The following MAGI2 variants were observed in gnomAD, a reference collection of about 807,000 sequenced individuals.
The protein encoded by MAGI2 is membrane associated guanylate kinase, WW and PDZ domain containing 2.
MAGI2 carries 35 observed loss-of-function variants against 133.3 expected under a neutral mutation model. The observed-to-expected ratio is 0.26, with a 90% CI of 0.20 to 0.35. The LOEUF (loss-of-function observed/expected upper bound fraction) is 0.35, where lower values mean the gene tolerates loss of function less well. Among genes scored for constraint, MAGI2 ranks in the 10% least tolerant of loss-of-function variants. The probability of loss-of-function intolerance (pLI) is 1.00; values close to 1 mark genes in which losing one functional copy is unlikely to be tolerated. For synonymous variants in MAGI2, 729 were observed against 710.6 expected (o/e 1.03, Z -0.41); for missense variants, 1,636 against 1,863.4 (o/e 0.88, Z 2.25).
At chr7:79,310,659 G>A (rs1838211148) in intron 1 of MAGI2, among the ~76,000 whole-genome samples, 5 of 152,082 alleles carry the variant, frequency 3.3e-5, no homozygotes, top group Admixed American at 3.3e-4. Flanking sequence ...CTATTTCACT[G>A]GAATAAGGGA....
intron 1 of MAGI2, among the ~76,000 whole-genome samples, chr7:79,086,012 T>C (rs1267008380): frequency 6.6e-6 from 1 of 151,928 alleles, no homozygotes. Context: ...CATATGCATG[T>C]GGCTTCCAAG....
At chr7:79,181,097 G>A (rs559015951) in intron 1 of MAGI2, among the ~76,000 whole-genome samples, 4 of 151,948 alleles carry the variant, frequency 2.6e-5, no homozygotes, top group South Asian at 4.1e-4. Flanking sequence ...GCTTTTCCAG[G>A]CACACGGTGT....
chr7:79,017,648 T>C (rs545021812), intron 1 of MAGI2, among the ~76,000 whole-genome samples: 17 of 152,218 alleles, frequency 1.1e-4, no homozygotes, highest in African/African-American at 3.9e-4. Flanking sequence ...TACTGACATA[T>C]AGGAGAAAGT....
chr7:78,288,293 T>C (rs903836458), intron 9 of MAGI2, among the ~76,000 whole-genome samples: 1 of 152,174 alleles, frequency 6.6e-6, no homozygotes, highest in Admixed American at 6.5e-5. Flanking sequence ...ATTTAAATAA[T>C]AAAATCATAC....
At chr7:79,149,341 G>A (rs111789433) in intron 1 of MAGI2, among the ~76,000 whole-genome samples, 2,499 of 151,422 alleles carry the variant, frequency 0.017, 71 homozygotes, top group African/African-American at 0.056. Context: ...ATTACCACAC[G>A]CCACTGCTAA....
intron 9 of MAGI2, among the ~76,000 whole-genome samples, chr7:78,336,548 C>T (rs1305317412): frequency 6.6e-6 from 1 of 152,038 alleles, no homozygotes; most frequent in Non-Finnish European, 1.5e-5. Flanking sequence ...CAAAGTGATA[C>T]CTTGTCTCTA....
chr7:78,782,997 G>T lies in MAGI2; in HGVS notation c.419-155758C>A, dbSNP rs1411803223. On this transcript the variant is annotated intron_variant, in intron 2 of 21. Transcript: ENST00000354212. ...CATTTCTTCAATTTTGACAATACTTGAAAATGATTCTTACCTTTTTTTTTT... is the reference window on the plus strand; with the variant it reads ...CATTTCTTCAATTTTGACAATACTTTAAAATGATTCTTACCTTTTTTTTTT... Among the ~76,000 whole-genome samples the T allele has an allele frequency of 1.0e-4, 13 of 129,550 alleles. No individual in the cohort carries two copies. The East Asian group carries it at 1.9e-3, about 19-fold the overall frequency. 85.0% of individuals were successfully genotyped at this position (129,550 alleles called of 152,430 possible).
chr7:78,089,125 A>G (rs1816933174), intron 20 of MAGI2, among the ~76,000 whole-genome samples: 1 of 152,236 alleles, frequency 6.6e-6, no homozygotes, highest in Non-Finnish European at 1.5e-5. Context: ...ATTTTAACCC[A>G]GTGAAACAAA....
At chr7:78,698,343 T>C (rs1179841494) in intron 2 of MAGI2, among the ~76,000 whole-genome samples, 1 of 152,180 alleles carries the variant, frequency 6.6e-6, no homozygotes, top group East Asian at 1.9e-4. Flanking sequence ...AAGTCTGGCA[T>C]CTGCCCTCAA....
chr7:78,208,135 CTTTTT>C (rs71085515), intron 10 of MAGI2, among the ~76,000 whole-genome samples: 5 of 115,596 alleles, frequency 4.3e-5, no homozygotes, highest in Middle Eastern at 4.9e-3. Flanking sequence ...CCCAAAGTGG[CTTTTT>C]TTTTTTTTTT....
At chr7:79,118,745 C>T (rs951044168) in intron 1 of MAGI2, among the ~76,000 whole-genome samples, 1 of 151,752 alleles carries the variant, frequency 6.6e-6, no homozygotes, top group African/African-American at 2.4e-5. Context: ...TTTGCACTAC[C>T]CATATCCCTC....
At chr7:78,606,885 G>A (rs1020132276) in intron 3 of MAGI2, among the ~76,000 whole-genome samples, 5 of 151,936 alleles carry the variant, frequency 3.3e-5, no homozygotes, top group African/African-American at 1.2e-4. Flanking sequence ...TACATGGGCT[G>A]TTTCTTCCAT....
intron 6 of MAGI2, among the ~76,000 whole-genome samples, chr7:78,435,883 C>G (rs1183139547): frequency 6.6e-6 from 1 of 152,140 alleles, no homozygotes; most frequent in Non-Finnish European, 1.5e-5. Flanking sequence ...AAAAACACAT[C>G]CAAGTTGGTA....
intron 3 of MAGI2, among the ~76,000 whole-genome samples, chr7:78,549,103 T>C (rs1392283183): frequency 6.6e-6 from 1 of 152,234 alleles, no homozygotes; most frequent in African/African-American, 2.4e-5. Flanking sequence ...GTAGGTTTCC[T>C]GTTTGAGAGG....
At chr7:79,057,882 T>A (rs1339112500) in intron 1 of MAGI2, among the ~76,000 whole-genome samples, 1 of 151,986 alleles carries the variant, frequency 6.6e-6, no homozygotes, top group Non-Finnish European at 1.5e-5. Flanking sequence ...TTCCATTGCA[T>A]TTTTTGCTAA....
chr7:78,846,710 A>G (rs1792645381), intron 2 of MAGI2, among the ~76,000 whole-genome samples: 1 of 151,990 alleles, frequency 6.6e-6, no homozygotes, highest in South Asian at 2.1e-4. Flanking sequence ...AAAACGAATC[A>G]GTTATTTAGA....
chr7:78,750,985 A>G (rs1823400402), intron 2 of MAGI2, among the ~76,000 whole-genome samples: 1 of 152,218 alleles, frequency 6.6e-6, no homozygotes, highest in African/African-American at 2.4e-5. Flanking sequence ...AAGAGTAAAT[A>G]ATGTTAAAGA....
At chr7:78,159,570 C>T (rs139216101) in intron 16 of MAGI2, among the ~76,000 whole-genome samples, 128 of 152,258 alleles carry the variant, frequency 8.4e-4, no homozygotes, top group African/African-American at 2.8e-3. Context: ...TTCTTGGATG[C>T]CAAGCTTGGC....
intron 2 of MAGI2, among the ~76,000 whole-genome samples, chr7:78,773,954 T>C (rs1324011686): frequency 6.6e-6 from 1 of 152,196 alleles, no homozygotes; most frequent in Non-Finnish European, 1.5e-5. Context: ...TTATAAGAAT[T>C]ACCTGCAAGT....
Sources: gnomAD v4.1 joint callset for allele counts (sites outside exome capture counted in the v4.1 genomes callset) on GRCh38, gnomAD v4.1.1 for gene constraint, MANE v1.5 for transcripts, NCBI Gene and HGNC (gene_info 2026-07-23, HGNC 2026-07-21) for gene names.